Variants in ZDHHC3 observed in about 807,000 individuals in gnomAD.
The protein encoded by ZDHHC3 is zDHHC palmitoyltransferase 3.
In ZDHHC3, 9 loss-of-function variants were observed where a neutral mutation model predicts 30.6. The ratio of observed to expected loss-of-function variants is 0.29; its 90% CI spans 0.18 to 0.51. ZDHHC3 has a LOEUF of 0.51. ZDHHC3 is among the 20% of genes least tolerant of loss of function. The pLI is 0.97. For missense variants in ZDHHC3, 246 were observed against 384.2 expected (o/e 0.64, Z 3.01); for synonymous variants, 136 against 140.2 (o/e 0.97, Z 0.21).
intron 3 of ZDHHC3, among the ~76,000 whole-genome samples, chr3:44,941,508 A>G (rs1702437548): frequency 6.6e-6 from 1 of 152,204 alleles, no homozygotes; most frequent in Non-Finnish European, 1.5e-5. Context: ...TTTTCTCAGT[A>G]ATCATAACCA....
At chr3:44,927,513 A>G (rs985703074) in intron 6 of ZDHHC3, among the ~76,000 whole-genome samples, 3 of 152,146 alleles carry the variant, frequency 2.0e-5, no homozygotes, top group Admixed American at 2.0e-4. Context: ...AGGAGGAAGG[A>G]GGAGGGATTA....
chr3:44,924,399 C>T lies in ZDHHC3; in HGVS notation c.*2290G>A. Reference sequence around the variant, plus strand: ...AGGAACCTTGGGGTATTCCTATCTTCTGAGAGCAACTGGTTTGAGAGCTCA... The same window carrying T: ...AGGAACCTTGGGGTATTCCTATCTTTTGAGAGCAACTGGTTTGAGAGCTCA... On this transcript the variant is annotated 3_prime_UTR_variant, in exon 7 of 7. Coordinates refer to ENST00000424952, the MANE Select transcript of ZDHHC3 (RefSeq NM_001135179.2). The T allele has an allele frequency of 3.0e-6, 3 of 985,438 alleles. No individual in the cohort carries two copies. The highest frequency in any genetic ancestry group is 3.6e-6 in the Non-Finnish European group (3 of 829,926). 61.0% of individuals were successfully genotyped at this position (985,438 alleles called of 1,614,324 possible). A position where few individuals can be genotyped will look rare whatever the true frequency, so the allele number is the denominator to read the frequency against.
At chr3:44,927,392 T>C (rs1363741785) in intron 6 of ZDHHC3, among the ~76,000 whole-genome samples, 4 of 152,100 alleles carry the variant, frequency 2.6e-5, no homozygotes, top group African/African-American at 9.7e-5. Context: ...GCGTTGTGTG[T>C]CTCACCAGCC....
chr3:44,934,699 C>T (rs912954215), intron 3 of ZDHHC3, among the ~76,000 whole-genome samples: 1 of 151,808 alleles, frequency 6.6e-6, no homozygotes, highest in African/African-American at 2.4e-5. Context: ...TAAGACCAGC[C>T]TGACGAACAT....
rs1701026511 is a variant in ZDHHC3, at chr3:44,926,757, G to A, written c.832C>T (p.Leu278=). 6.2e-7 allele frequency: 1 copy of A among 1,614,026 alleles called. No homozygotes were observed. Among genetic ancestry groups the A allele is most frequent in the African/African-American group, 1.3e-5 (1 of 75,022 alleles). Reference sequence around the variant, plus strand: ...GTGGCAAAGGGGCTGGCCCAGCCTAGAGAGAAGGGGTGGCCAAAAACGGCT... The same window carrying A: ...GTGGCAAAGGGGCTGGCCCAGCCTAAAGAGAAGGGGTGGCCAAAAACGGCT... ...MKAVFGHPFS[L]GWASPFATPD... The change falls in exon 7 of 7, where the codon CTA becomes TTA. Residue 278 remains leucine (L), a synonymous_variant. Transcript: ENST00000424952.
At chr3:44,973,305 G>C (rs1053286669) in intron 1 of ZDHHC3, among the ~76,000 whole-genome samples, 1 of 152,134 alleles carries the variant, frequency 6.6e-6, no homozygotes, top group Non-Finnish European at 1.5e-5. Context: ...TAGACTGCCT[G>C]GTCTCAAGTC....
chr3:44,947,936 C>A (rs566536809), intron 2 of ZDHHC3, among the ~76,000 whole-genome samples: 2 of 152,178 alleles, frequency 1.3e-5, no homozygotes. Context: ...GGGAACTCTG[C>A]CTGCTTGGCC....
chr3:44,973,332 C>T (rs892761325), intron 1 of ZDHHC3, among the ~76,000 whole-genome samples: 1 of 152,176 alleles, frequency 6.6e-6, no homozygotes, highest in Non-Finnish European at 1.5e-5. Flanking sequence ...CTGCCATTTA[C>T]CAATGATGTA....
intron 3 of ZDHHC3, among the ~76,000 whole-genome samples, chr3:44,937,232 C>G (rs1038008955): frequency 2.0e-5 from 3 of 152,086 alleles, no homozygotes; most frequent in Admixed American, 6.5e-5. Flanking sequence ...ATTACTTGAG[C>G]TCAGGAGTTC....
rs139715639 is a variant in ZDHHC3 at position 44,923,867 on chromosome 3, C to T, written c.*2822G>A. On this transcript the variant is annotated 3_prime_UTR_variant, in exon 7 of 7. Transcript: ENST00000424952. ...GGTGGGACTAAAAGGAGATTTAGCA[C>T]ATGCACTTCTACCCAAATGTGTTTT... 4.7e-5 allele frequency: 46 copies of T among 985,448 alleles called. No individual in the cohort carries two copies. The African/African-American group carries it at 7.7e-4, about 16-fold the overall frequency. The allele number at this position is 985,448 out of a possible 1,614,324, so 61.0% of individuals were successfully genotyped here.
At position 44,916,356 on chromosome 3, in the gene ZDHHC3, G is replaced by A. The variant is rs1022875882; in HGVS notation, c.*10333C>T. 1.3e-5 allele frequency: 2 copies of A among 152,268 alleles called. No homozygotes were observed. Among genetic ancestry groups the A allele is most frequent in the African/African-American group, 4.8e-5 (2 of 41,452 alleles). 9.4% of individuals were successfully genotyped at this position (152,268 alleles called of 1,614,324 possible). On this transcript the variant is annotated 3_prime_UTR_variant, in exon 7 of 7. Transcript: ENST00000424952. ...GTCCAAAGATGCTGTCCAAGAACCAGGATGCTGCTTGGCTCTTTTCTTTCT... is the reference window on the plus strand; with the variant it reads ...GTCCAAAGATGCTGTCCAAGAACCAAGATGCTGCTTGGCTCTTTTCTTTCT...
At chr3:44,929,631 G>C (rs773299659) in intron 5 of ZDHHC3, among the ~76,000 whole-genome samples, 195 bp from the exon 6 acceptor site, 1 of 152,146 alleles carries the variant, frequency 6.6e-6, no homozygotes, top group Non-Finnish European at 1.5e-5. Context: ...CCCTCAGGGA[G>C]GCCTCCTCAA....
In ZDHHC3 at chr3:44,975,772, TCA is replaced by T. The variant is rs1185484134; in HGVS notation, c.-25+159_-25+160del. Among the ~76,000 whole-genome samples the T allele has an allele frequency of 1.1e-3, 127 of 116,706 alleles. 1 individual carries two copies. The South Asian group carries it at 0.011, about 10-fold the overall frequency. 76.6% of individuals were successfully genotyped at this position (116,706 alleles called of 152,430 possible). On this transcript the variant is annotated intron_variant, in intron 1 of 6. Coordinates refer to ENST00000424952, the MANE Select transcript of ZDHHC3 (RefSeq NM_001135179.2). ...GTCTCTCTCTCTCTCTCTCTCTCTC[TCA>T]CACACACACACACACACACACACAC...
chr3:44,941,368 T>G (rs1288325649), intron 3 of ZDHHC3, among the ~76,000 whole-genome samples: 3 of 152,104 alleles, frequency 2.0e-5, no homozygotes, highest in Admixed American at 2.0e-4. Context: ...AGGTCCTCAT[T>G]TTGGGCTCTG....
chr3:44,970,737 G>A (rs181329923), intron 1 of ZDHHC3, among the ~76,000 whole-genome samples: 1 of 152,234 alleles, frequency 6.6e-6, no homozygotes, highest in Admixed American at 6.5e-5. Context: ...ATAAAATTAC[G>A]ACTTCCTTTT....
At chr3:44,941,775 G>T (rs1274623999) in intron 3 of ZDHHC3, among the ~76,000 whole-genome samples, 1 of 148,126 alleles carries the variant, frequency 6.8e-6, no homozygotes, top group Non-Finnish European at 1.5e-5. Flanking sequence ...AAAAAAAAAA[G>T]TCTATGCATA....
Position 44,922,001 on chromosome 3 carries a change from CT to C in ZDHHC3, c.*4687del. ...CTGTGGGCCCAACAGAGCGGGATCCCTGGGGGCCACTCTGCTTTGCTACGGC... is the reference window on the plus strand; with the variant it reads ...CTGTGGGCCCAACAGAGCGGGATCCCGGGGGCCACTCTGCTTTGCTACGGC... On this transcript the variant is annotated 3_prime_UTR_variant, in exon 7 of 7. Transcript: ENST00000424952. The C allele has an allele frequency of 1.0e-6, 1 of 985,420 alleles. No individual in the cohort carries two copies. The allele number at this position is 985,420 out of a possible 1,614,324, so 61.0% of individuals were successfully genotyped here.
chr3:44,937,573 TAAAA>T (rs1553686303), intron 3 of ZDHHC3: 1 of 134,190 alleles, frequency 7.5e-6, no homozygotes, highest in South Asian at 2.7e-4. Flanking sequence ...TTTTTTTTTT[TAAAA>T]AAAAAAGCTC....
chr3:44,918,688 A>AG lies in ZDHHC3; in HGVS notation c.*8000dup. On this transcript the variant is annotated 3_prime_UTR_variant, in exon 7 of 7. Transcript: ENST00000424952. ...CGTACAGCAAGTGCCAACATGCATT[A>AG]GGCAGCCGGAGGGCACACAGGACCA... The AG allele has an allele frequency of 1.0e-6, 1 of 996,932 alleles. No individual in the cohort carries two copies. The highest frequency in any genetic ancestry group is 1.2e-6 in the Non-Finnish European group (1 of 835,362). The allele number at this position is 996,932 out of a possible 1,614,324, so 61.8% of individuals were successfully genotyped here.
Sources: allele counts gnomAD v4.1 joint callset (sites outside exome capture counted in the v4.1 genomes callset), GRCh38; gene constraint gnomAD v4.1.1; transcripts MANE v1.5; gene names NCBI Gene and HGNC (gene_info 2026-07-23, HGNC 2026-07-21).